SPRED1: variants seen among roughly 807,000 people sequenced by gnomAD.
SPRED1 encodes sprouty related EVH1 domain containing 1.
A neutral mutation model predicts 52.3 loss-of-function variants in SPRED1; 18 were observed. That is an observed-to-expected ratio of 0.34 (90% CI 0.24 to 0.51). The LOEUF (loss-of-function observed/expected upper bound fraction) is 0.51, where lower values mean the gene tolerates loss of function less well. Among genes scored for constraint, SPRED1 ranks in the 20% least tolerant of loss-of-function variants. The probability of loss-of-function intolerance (pLI) is 0.97; values close to 1 mark genes in which losing one functional copy is unlikely to be tolerated. For synonymous variants in SPRED1, 155 were observed against 179.7 expected, an observed-to-expected ratio of 0.86 and a Z score of 1.10; for missense variants, 485 against 551.0, an observed-to-expected ratio of 0.88 and a Z score of 1.20.
intron 1 of SPRED1, among the ~76,000 whole-genome samples, chr15:38,293,028 T>C (rs1013484834): frequency 3.3e-5 from 5 of 151,372 alleles, no homozygotes; most frequent in African/African-American, 1.2e-4. Flanking sequence ...CTGTGATAAA[T>C]ATTATTATTT....
chr15:38,304,920 A>G (rs1035513763), intron 2 of SPRED1, among the ~76,000 whole-genome samples: 2 of 151,914 alleles, frequency 1.3e-5, no homozygotes, highest in Non-Finnish European at 2.9e-5. Context: ...TTTTCAGTCA[A>G]TCTCTCAAAC....
intron 2 of SPRED1, among the ~76,000 whole-genome samples, chr15:38,314,613 G>T (rs1566864682): frequency 6.6e-6 from 1 of 151,816 alleles, no homozygotes; most frequent in Non-Finnish European, 1.5e-5. Context: ...GTAGGATCTA[G>T]GTAGAAGTGT....
chr15:38,299,171 A>C (rs114699794), intron 1 of SPRED1, among the ~76,000 whole-genome samples: 1 of 152,306 alleles, frequency 6.6e-6, no homozygotes, highest in African/African-American at 2.4e-5. Flanking sequence ...GTAGTCTTTA[A>C]AATAAAGGAC....
At chr15:38,260,395 A>T (rs934369746) in intron 1 of SPRED1, among the ~76,000 whole-genome samples, 3 of 152,132 alleles carry the variant, frequency 2.0e-5, no homozygotes, top group African/African-American at 7.2e-5. Flanking sequence ...TTAGGAGCCT[A>T]CCCTACTGCA....
intron 2 of SPRED1, among the ~76,000 whole-genome samples, chr15:38,304,149 G>A (rs1415887019): frequency 1.3e-5 from 2 of 152,174 alleles, no homozygotes; most frequent in African/African-American, 4.8e-5. Flanking sequence ...TAATATAGCA[G>A]TAGCTTTATT....
chr15:38,338,409 T>C (rs1895965657), intron 4 of SPRED1, among the ~76,000 whole-genome samples: 1 of 151,684 alleles, frequency 6.6e-6, no homozygotes, highest in Admixed American at 6.6e-5. Context: ...TTTCCTGAAG[T>C]TTTCTACTCT....
intron 4 of SPRED1, among the ~76,000 whole-genome samples, chr15:38,326,567 G>A (rs1895713081): frequency 6.6e-6 from 1 of 152,198 alleles, no homozygotes; most frequent in South Asian, 2.1e-4. Flanking sequence ...TTCGATTGAA[G>A]TAGTAGGTCC....
chr15:38,252,926 T>A lies in SPRED1; in HGVS notation c.-260T>A. ...TCCCTTTCCACCGGGCCTCCTCGGA[T>A]CCCTTGGCTGGGCACTGAGGCGGGG... On this transcript the variant is annotated 5_prime_UTR_variant, in exon 1 of 7. Coordinates refer to ENST00000299084, the MANE Select transcript of SPRED1 (RefSeq NM_152594.3). 1 of 578,976 alleles carries A rather than the reference T, an allele frequency of 1.7e-6. No homozygotes were observed. The highest frequency in any genetic ancestry group is 3.1e-6 in the Non-Finnish European group (1 of 324,750). 35.9% of individuals were successfully genotyped at this position (578,976 alleles called of 1,614,324 possible). A position where few individuals can be genotyped will look rare whatever the true frequency, so the allele number is the denominator to read the frequency against.
intron 1 of SPRED1, among the ~76,000 whole-genome samples, chr15:38,275,209 T>G (rs186239395): frequency 2.0e-5 from 3 of 152,316 alleles, no homozygotes; most frequent in Non-Finnish European, 4.4e-5. Flanking sequence ...TTAGTATCAA[T>G]TATAATCCAT....
chr15:38,256,013 A>G (rs898118844), intron 1 of SPRED1, among the ~76,000 whole-genome samples: 2 of 152,112 alleles, frequency 1.3e-5, no homozygotes, highest in Admixed American at 1.3e-4. Context: ...ATTTGAAATT[A>G]AAGTTTTATG....
At chr15:38,296,579 A>C (rs931818205) in intron 1 of SPRED1, among the ~76,000 whole-genome samples, 1 of 152,168 alleles carries the variant, frequency 6.6e-6, no homozygotes, top group Non-Finnish European at 1.5e-5. Context: ...AATGAAGCTC[A>C]TGGATTCTAC....
chr15:38,313,272 T>C (rs748607855), intron 2 of SPRED1, among the ~76,000 whole-genome samples: 1 of 152,058 alleles, frequency 6.6e-6, no homozygotes, highest in Non-Finnish European at 1.5e-5. Context: ...CAGTATAAGA[T>C]AATGTAGCAT....
intron 1 of SPRED1, among the ~76,000 whole-genome samples, chr15:38,286,733 A>G (rs991646257): frequency 6.6e-5 from 10 of 152,138 alleles, no homozygotes; most frequent in African/African-American, 2.4e-4. Context: ...TTAAGAATAA[A>G]TGTTGAATTT....
chr15:38,327,941 C>T (rs1217122586), intron 4 of SPRED1, among the ~76,000 whole-genome samples: 1 of 152,136 alleles, frequency 6.6e-6, no homozygotes, highest in African/African-American at 2.4e-5. Flanking sequence ...CAAAAGAAAA[C>T]TCTTAAATTT....
At chr15:38,254,795 C>G (rs7176982) in intron 1 of SPRED1, among the ~76,000 whole-genome samples, 124,876 of 152,226 alleles carry the variant, frequency 0.82, 52,097 homozygotes, top group Non-Finnish European at 0.9. Context: ...GCAGTACAGT[C>G]TCTCCCTGCC....
In SPRED1 at chr15:38,291,388, A is replaced by G. The variant is rs944741210; in HGVS notation, c.33-7985A>G. 5.9e-5 allele frequency among the ~76,000 whole-genome samples: 9 copies of G among 152,122 alleles called. No individual in the cohort carries two copies. In the South Asian group the frequency reaches 8.3e-4, roughly 14 times the overall value. ...CATGGTGGAAGCTGTCAGTGAATCTACCATTCTGGGGTCTGGTAAATGGTG... is the reference window on the plus strand; with the variant it reads ...CATGGTGGAAGCTGTCAGTGAATCTGCCATTCTGGGGTCTGGTAAATGGTG... On this transcript the variant is annotated intron_variant, in intron 1 of 6. Transcript: ENST00000299084.
chr15:38,295,681 TA>T (rs1385623346), intron 1 of SPRED1, among the ~76,000 whole-genome samples: 1 of 149,632 alleles, frequency 6.7e-6, no homozygotes, highest in Non-Finnish European at 1.5e-5. Flanking sequence ...CTAATAACAG[TA>T]AGAGGGATAG....
At chr15:38,285,729 T>G (rs1894793427) in intron 1 of SPRED1, among the ~76,000 whole-genome samples, 2 of 152,192 alleles carry the variant, frequency 1.3e-5, no homozygotes, top group Non-Finnish European at 2.9e-5. Flanking sequence ...ATGACCTGAT[T>G]CATGTTTAAA....
At chr15:38,254,986 G>C (rs1008143775) in intron 1 of SPRED1, among the ~76,000 whole-genome samples, 49 of 152,308 alleles carry the variant, frequency 3.2e-4, no homozygotes, top group African/African-American at 1.1e-3. Context: ...CTTCTTACCA[G>C]TTTAATTTTT....
Sources: gnomAD v4.1 joint callset for allele counts (sites outside exome capture counted in the v4.1 genomes callset) on GRCh38, gnomAD v4.1.1 for gene constraint, MANE v1.5 for transcripts, NCBI Gene and HGNC (gene_info 2026-07-23, HGNC 2026-07-21) for gene names.